Variants in SDK1 observed in about 807,000 individuals in gnomAD.
The protein encoded by SDK1 is protein sidekick-1.
SDK1 carries 157 observed loss-of-function variants against 245.5 expected under a neutral mutation model. The observed-to-expected ratio is 0.64, with a 90% CI of 0.56 to 0.73. SDK1 has a LOEUF of 0.73. Among genes scored for constraint, SDK1 ranks in the 30% least tolerant of loss-of-function variants. SDK1 has a pLI of 0.00. For missense variants in SDK1, 3,583 were observed against 3,002.3 expected, an observed-to-expected ratio of 1.19 and a Z score of -4.52; for synonymous variants, 1,647 against 1,278.5, an observed-to-expected ratio of 1.29 and a Z score of -6.15.
chr7:3,337,889 T>C (rs1332222385), intron 1 of SDK1: 1 of 152,162 alleles, frequency 6.6e-6, no homozygotes, highest in Admixed American at 6.5e-5. Flanking sequence ...AAAAACTAGG[T>C]AAAAGTTCTT....
At chr7:3,335,218 T>C (rs777788599) in intron 1 of SDK1, among the ~76,000 whole-genome samples, 17 of 152,216 alleles carry the variant, frequency 1.1e-4, no homozygotes, top group Admixed American at 2.0e-4. Context: ...TTATAAATAC[T>C]ATTGCACTTA....
intron 1 of SDK1, among the ~76,000 whole-genome samples, chr7:3,416,062 G>A (rs17133300): frequency 0.14 from 21,835 of 152,082 alleles, 1,531 homozygotes; most frequent in South Asian, 0.22. Flanking sequence ...GGATAAAAGA[G>A]GTCTTTGCTG....
At chr7:3,687,588 A>G (rs888514610) in intron 4 of SDK1, among the ~76,000 whole-genome samples, 1 of 152,218 alleles carries the variant, frequency 6.6e-6, no homozygotes, top group Non-Finnish European at 1.5e-5. Flanking sequence ...TGCATCTCCA[A>G]GAAATGGCGG....
chr7:3,939,369 A>T (rs1405452202), intron 5 of SDK1, among the ~76,000 whole-genome samples: 1 of 152,282 alleles, frequency 6.6e-6, no homozygotes, highest in East Asian at 1.9e-4. Context: ...TCAGAAATGT[A>T]TAAACCAGCT....
chr7:4,137,938 G>C (rs1261541098), intron 28 of SDK1, among the ~76,000 whole-genome samples: 4 of 152,202 alleles, frequency 2.6e-5, no homozygotes, highest in African/African-American at 9.7e-5. Flanking sequence ...CAGAAAAAAA[G>C]CTGTCTTCTA....
chr7:3,510,481 G>A (rs1782544080), intron 1 of SDK1, among the ~76,000 whole-genome samples: 1 of 152,144 alleles, frequency 6.6e-6, no homozygotes, highest in Non-Finnish European at 1.5e-5. Flanking sequence ...TAGGCAAAAA[G>A]GCATGGGATT....
At chr7:3,694,291 TC>T (rs1266564085) in intron 4 of SDK1, among the ~76,000 whole-genome samples, 1 of 152,116 alleles carries the variant, frequency 6.6e-6, no homozygotes, top group Non-Finnish European at 1.5e-5. Context: ...GGAGGTCACT[TC>T]CCCTCCTAGG....
chr7:4,113,475 G>A (rs779204146), intron 24 of SDK1, 36 bp downstream of exon 24: 12 of 1,608,852 alleles, frequency 7.5e-6, no homozygotes, highest in South Asian at 3.3e-5. Flanking sequence ...GGAGGCACAC[G>A]GGTCCTGAGT....
intron 1 of SDK1, among the ~76,000 whole-genome samples, chr7:3,467,302 A>G (rs368793211): frequency 4.6e-5 from 7 of 152,042 alleles, no homozygotes; most frequent in African/African-American, 1.7e-4. Context: ...AATGCCACTT[A>G]TGTTTCTCTA....
At chr7:3,496,422 G>A (rs772705123) in intron 1 of SDK1, among the ~76,000 whole-genome samples, 1 of 150,192 alleles carries the variant, frequency 6.7e-6, no homozygotes, top group Non-Finnish European at 1.5e-5. Flanking sequence ...GATAAATAAT[G>A]TTCCTACAAC....
intron 1 of SDK1, among the ~76,000 whole-genome samples, chr7:3,538,515 T>C (rs1778961252): frequency 6.6e-6 from 1 of 152,192 alleles, no homozygotes; most frequent in Admixed American, 6.5e-5. Flanking sequence ...CACTTGCCTG[T>C]TTCCCTGTCA....
At chr7:3,376,798 TAAAAA>T (rs145450654) in intron 1 of SDK1, among the ~76,000 whole-genome samples, 1 of 151,756 alleles carries the variant, frequency 6.6e-6, no homozygotes, top group Non-Finnish European at 1.5e-5. Context: ...TGTATACTGT[TAAAAA>T]AAAATCCCGA....
chr7:4,101,082 C>G (rs114141530), intron 22 of SDK1, among the ~76,000 whole-genome samples: 1 of 151,972 alleles, frequency 6.6e-6, no homozygotes, highest in Non-Finnish European at 1.5e-5. Context: ...GCCTGGGCCC[C>G]GAAAACCAAC....
intron 17 of SDK1, among the ~76,000 whole-genome samples, chr7:4,032,068 G>A (rs1043664464): frequency 4.0e-5 from 6 of 150,778 alleles, no homozygotes; most frequent in African/African-American, 1.2e-4. Flanking sequence ...TAGATCGATC[G>A]ATCGATCATG....
chr7:3,778,818 A>G (rs7793255), intron 4 of SDK1, among the ~76,000 whole-genome samples: 6,731 of 152,282 alleles, frequency 0.044, 483 homozygotes, highest in African/African-American at 0.16. Context: ...GGTCGATTTC[A>G]AAGTGCTTCA....
chr7:4,157,479 A>AAGGAGAGAAGGAAGGAAGGAAAGC (rs1780833569), intron 30 of SDK1, among the ~76,000 whole-genome samples: 1 of 102,474 alleles, frequency 9.8e-6, no homozygotes, highest in African/African-American at 4.0e-5. Flanking sequence ...GGAAGGAGGG[A>AAGGAGAGAAGGAAGGAAGGAAAGC]AGGAAGGGAG....
chr7:3,723,199 G>A (rs2115031529), intron 4 of SDK1, among the ~76,000 whole-genome samples: 1 of 152,292 alleles, frequency 6.6e-6, no homozygotes, highest in Non-Finnish European at 1.5e-5. Context: ...CTGTTGAATA[G>A]TAAATTAAGA....
intron 1 of SDK1, among the ~76,000 whole-genome samples, chr7:3,586,099 G>A (rs1378262395): frequency 6.6e-6 from 1 of 152,116 alleles, no homozygotes; most frequent in Non-Finnish European, 1.5e-5. Flanking sequence ...GAGAGAAGCA[G>A]GGAGGTGTGT....
chr7:3,555,458 A>G (rs1183537545), intron 1 of SDK1, among the ~76,000 whole-genome samples: 8 of 152,196 alleles, frequency 5.3e-5, no homozygotes, highest in Admixed American at 5.2e-4. Context: ...AGATGTGAAG[A>G]TTATGAAACT....
Sources: gnomAD v4.1 joint callset for allele counts (sites outside exome capture counted in the v4.1 genomes callset) on GRCh38, gnomAD v4.1.1 for gene constraint, MANE v1.5 for transcripts, NCBI Gene and HGNC (gene_info 2026-07-23, HGNC 2026-07-21) for gene names.